Variants in ASIC2 observed in about 807,000 individuals in gnomAD.
The protein encoded by ASIC2 is acid-sensing ion channel 2.
Under a neutral mutation model 57.3 loss-of-function variants are expected in ASIC2, and 25 were observed. The observed-to-expected ratio is 0.44, with a 90% CI of 0.32 to 0.61. ASIC2 has a LOEUF of 0.61. Ranked by LOEUF, ASIC2 falls within the 20% of genes least tolerant of loss-of-function variation. ASIC2 has a pLI of 0.06. For missense variants in ASIC2, 641 were observed against 738.1 expected (o/e 0.87, Z 1.52); for synonymous variants, 319 against 307.5 (o/e 1.04, Z -0.39).
At chr17:33,858,679 G>A (rs933892939) in intron 1 of ASIC2, among the ~76,000 whole-genome samples, 2 of 152,208 alleles carry the variant, frequency 1.3e-5, no homozygotes, top group African/African-American at 4.8e-5. Flanking sequence ...CAGAGGACTG[G>A]ATCATGGGAG....
chr17:33,988,305 T>C (rs1169129296), intron 1 of ASIC2, among the ~76,000 whole-genome samples: 1 of 152,216 alleles, frequency 6.6e-6, no homozygotes, highest in South Asian at 2.1e-4. Context: ...TGGAAGGTAA[T>C]TGAATCACGG....
intron 1 of ASIC2, among the ~76,000 whole-genome samples, chr17:33,390,655 C>T (rs1435005635): frequency 1.3e-5 from 2 of 152,130 alleles, no homozygotes; most frequent in Admixed American, 1.3e-4. Context: ...CTGTTGAAAT[C>T]CTCACTCGGC....
intron 1 of ASIC2, among the ~76,000 whole-genome samples, chr17:33,473,786 T>C (rs1461770715): frequency 6.6e-6 from 1 of 152,194 alleles, no homozygotes; most frequent in South Asian, 2.1e-4. Flanking sequence ...TTCACATTTT[T>C]TCTTTCTCCA....
At chr17:33,736,825 A>G (rs376829413) in intron 1 of ASIC2, among the ~76,000 whole-genome samples, 1 of 130,848 alleles carries the variant, frequency 7.6e-6, no homozygotes, top group East Asian at 2.0e-4. Flanking sequence ...ATCAAATCAT[A>G]CCATGTACTT....
intron 1 of ASIC2, among the ~76,000 whole-genome samples, chr17:33,434,341 A>T (rs531116028): frequency 2.0e-5 from 3 of 152,274 alleles, no homozygotes; most frequent in Non-Finnish European, 4.4e-5. Flanking sequence ...CTAAATCTGC[A>T]TATAGAAAGA....
chr17:33,085,392 G>A (rs2092130685), intron 3 of ASIC2, among the ~76,000 whole-genome samples: 1 of 152,176 alleles, frequency 6.6e-6, no homozygotes, highest in Non-Finnish European at 1.5e-5. Flanking sequence ...ATGTTAAAAT[G>A]TGAACACAAA....
chr17:33,779,155 A>G (rs1911371732), intron 1 of ASIC2, among the ~76,000 whole-genome samples: 1 of 152,164 alleles, frequency 6.6e-6, no homozygotes, highest in Admixed American at 6.5e-5. Flanking sequence ...CAGGGTAATA[A>G]GTAACTATTG....
chr17:33,351,838 T>C (rs1304570820), intron 1 of ASIC2, among the ~76,000 whole-genome samples: 1 of 152,172 alleles, frequency 6.6e-6, no homozygotes, highest in East Asian at 1.9e-4. Flanking sequence ...AAGAGACATG[T>C]AGATGTGGCA....
rs1217954659 is a variant in ASIC2 at position 33,157,685 on chromosome 17, G to A, written c.709-45618C>T. On this transcript the variant is annotated intron_variant, in intron 1 of 9. Coordinates refer to ENST00000225823, the MANE Select transcript of ASIC2 (RefSeq NM_183377.2). The stretch of plus-strand genomic sequence containing the variant: ...TTGCCACCTCCCTGCTCCCACCTTG[G>A]TCTGAGCACCTCCATATCTCACCTG... Among the ~76,000 whole-genome samples, 6 of 152,088 alleles carry A rather than the reference G, an allele frequency of 3.9e-5. No individual in the cohort carries two copies. The East Asian group carries it at 9.6e-4, about 24-fold the overall frequency.
chr17:33,572,308 C>G (rs118146807), intron 1 of ASIC2: 2 of 152,098 alleles, frequency 1.3e-5, no homozygotes, highest in Non-Finnish European at 2.9e-5. Flanking sequence ...ACGCACCCCC[C>G]CCACCCCAGG....
chr17:33,625,837 G>A (rs558404648), intron 1 of ASIC2, among the ~76,000 whole-genome samples: 1 of 152,338 alleles, frequency 6.6e-6, no homozygotes, highest in South Asian at 2.1e-4. Context: ...CGCTTCATGA[G>A]TATCTTTGAA....
chr17:33,375,960 G>A (rs1318153355), intron 1 of ASIC2, among the ~76,000 whole-genome samples: 1 of 152,158 alleles, frequency 6.6e-6, no homozygotes, highest in African/African-American at 2.4e-5. Flanking sequence ...GACACAATGA[G>A]TTTAATATGT....
chr17:33,160,529 A>G (rs949825525), intron 1 of ASIC2, among the ~76,000 whole-genome samples: 9 of 152,222 alleles, frequency 5.9e-5, no homozygotes, highest in Admixed American at 5.9e-4. Flanking sequence ...AGTCCAAAGC[A>G]GCTTTTTACA....
chr17:34,043,561 T>C (rs1222997515), intron 1 of ASIC2, among the ~76,000 whole-genome samples: 2 of 152,220 alleles, frequency 1.3e-5, no homozygotes, highest in African/African-American at 4.8e-5. Context: ...TGCTTTAGAA[T>C]TTATAGTTTG....
At chr17:33,754,137 T>C (rs183577774) in intron 1 of ASIC2, among the ~76,000 whole-genome samples, 1 of 152,214 alleles carries the variant, frequency 6.6e-6, no homozygotes, top group East Asian at 1.9e-4. Flanking sequence ...TCTATCCCTG[T>C]TCTTTATGGG....
chr17:33,158,316 C>T lies in ASIC2; in HGVS notation c.709-46249G>A, dbSNP rs543081508. Among the ~76,000 whole-genome samples the T allele has an allele frequency of 3.2e-4, 48 of 152,280 alleles. 1 individual carries two copies. Among genetic ancestry groups the T allele is most frequent in the Middle Eastern group, 6.8e-3 (2 of 294 alleles). ...ATGAATGAATGAGTGAATCCTGCCACCCCCTCAAGGGAAAGGTGAGATGAC... is the reference window on the plus strand; with the variant it reads ...ATGAATGAATGAGTGAATCCTGCCATCCCCTCAAGGGAAAGGTGAGATGAC... On this transcript the variant is annotated intron_variant, in intron 1 of 9. Transcript: ENST00000225823.
At chr17:33,392,758 C>G (rs1340885918) in intron 1 of ASIC2, among the ~76,000 whole-genome samples, 1 of 152,070 alleles carries the variant, frequency 6.6e-6, no homozygotes, top group Non-Finnish European at 1.5e-5. Context: ...AGAGAATGCC[C>G]CTATGACAGT....
At chr17:33,075,252 C>T (rs1041495805) in intron 3 of ASIC2, among the ~76,000 whole-genome samples, 4 of 152,146 alleles carry the variant, frequency 2.6e-5, no homozygotes, top group South Asian at 4.1e-4. Context: ...TCTTGTCTGC[C>T]GCCACGTAAG....
intron 1 of ASIC2, among the ~76,000 whole-genome samples, chr17:34,074,758 T>A (rs952896076): frequency 1.3e-5 from 2 of 150,940 alleles, no homozygotes; most frequent in African/African-American, 4.9e-5. Flanking sequence ...GTAATCAGAG[T>A]GTGGCTTTTT....
Sources: allele counts gnomAD v4.1 joint callset (sites outside exome capture counted in the v4.1 genomes callset), GRCh38; gene constraint gnomAD v4.1.1; transcripts MANE v1.5; gene names NCBI Gene and HGNC (gene_info 2026-07-23, HGNC 2026-07-21).